Variants in TULP2 observed in about 807,000 individuals in gnomAD.
The protein encoded by TULP2 is tubby-related protein 2.
In TULP2, 64 loss-of-function variants were observed where a neutral mutation model predicts 60.3. The ratio of observed to expected loss-of-function variants is 1.06; its 90% CI spans 0.87 to 1.31. The LOEUF is 1.31. Among genes scored for constraint, TULP2 ranks in the 50% most tolerant of loss-of-function variants. The pLI, the probability that TULP2 is intolerant of heterozygous loss-of-function variation, is 0.00. For missense variants in TULP2, 652 were observed against 667.0 expected (o/e 0.98, Z 0.25); for synonymous variants, 267 against 265.4 (o/e 1.01, Z -0.06).
At position 48,883,802 on chromosome 19, in the gene TULP2, G is replaced by A. The variant is rs746669677; in HGVS notation, c.1227C>T (p.Leu409=). The change falls in exon 11 of 13, where the codon CTC becomes CTT. Residue 409 remains leucine, a synonymous_variant. Transcript: ENST00000221399. ...YLGPRKMTVI[L]PGTNSQNQRI... Reference sequence around the variant, plus strand: ...GCTGGTTCTGGCTGTTGGTTCCTGGGAGAATCACAGTCATTTTCCGAGGCC... The same window carrying A: ...GCTGGTTCTGGCTGTTGGTTCCTGGAAGAATCACAGTCATTTTCCGAGGCC... The A allele has an allele frequency of 6.2e-7, 1 of 1,614,074 alleles. No homozygotes were observed. Among genetic ancestry groups the A allele is most frequent in the Non-Finnish European group, 8.5e-7 (1 of 1,180,036 alleles).
intron 7 of TULP2, among the ~76,000 whole-genome samples, chr19:48,888,531 T>C (rs562377293): frequency 6.6e-6 from 1 of 152,296 alleles, no homozygotes; most frequent in East Asian, 1.9e-4. Flanking sequence ...GGCTGTTAGT[T>C]TGATCTAGAT....
At chr19:48,896,583 C>A in intron 3 of TULP2, 27 bp from the exon 4 acceptor site, 1 of 1,568,992 alleles carries the variant, frequency 6.4e-7, no homozygotes. Context: ...GGTGGGTGTC[C>A]GGGACAGGAA....
At chr19:48,895,895 A>G (rs1230598102) in intron 4 of TULP2, among the ~76,000 whole-genome samples, 2 of 152,054 alleles carry the variant, frequency 1.3e-5, no homozygotes, top group African/African-American at 4.8e-5. Context: ...AGAAAAAAAA[A>G]TCACCCTGTT....
chr19:48,885,212 T>C (rs913860868), intron 9 of TULP2, among the ~76,000 whole-genome samples: 1 of 152,092 alleles, frequency 6.6e-6, no homozygotes, highest in African/African-American at 2.4e-5. Flanking sequence ...TCTACCTTTT[T>C]GGATGCAATA....
chr19:48,896,209 C>G (rs992885458), intron 4 of TULP2, among the ~76,000 whole-genome samples: 1 of 152,186 alleles, frequency 6.6e-6, no homozygotes, highest in African/African-American at 2.4e-5. Context: ...GTAGCCCTGC[C>G]CCGAACCCCT....
At chr19:48,892,135 TTC>T (rs891302044) in intron 6 of TULP2, among the ~76,000 whole-genome samples, 1 of 152,188 alleles carries the variant, frequency 6.6e-6, no homozygotes, top group Admixed American at 6.5e-5. Context: ...ATGGAGGCCT[TTC>T]TCTCTCACTA....
chr19:48,895,505 T>A lies in TULP2; in HGVS notation c.212-2A>T. 1 of 1,600,566 alleles carries A rather than the reference T, an allele frequency of 6.2e-7. No homozygotes were observed. Among genetic ancestry groups the A allele is most frequent in the Non-Finnish European group, 8.5e-7 (1 of 1,170,098 alleles). ...TCCGGAGGAAAGGGTTCCCAAGGCC[T>A]GGGAGAAGGTTCAGCGAGCCCATGA... On this transcript the variant is annotated splice_acceptor_variant, in intron 4 of 12. Coordinates refer to ENST00000221399, the MANE Select transcript of TULP2 (RefSeq NM_003323.3). LOFTEE classifies it high-confidence loss of function.
intron 7 of TULP2, among the ~76,000 whole-genome samples, chr19:48,888,684 C>T (rs570435519): frequency 1.0e-3 from 158 of 152,170 alleles, no homozygotes; most frequent in Non-Finnish European, 1.7e-3. Context: ...TGCAGTGACT[C>T]GATCTCGGTT....
At chr19:48,884,616 C>T (rs1284357501) in intron 9 of TULP2, among the ~76,000 whole-genome samples, 1 of 151,390 alleles carries the variant, frequency 6.6e-6, no homozygotes. Context: ...ACTAAAAATA[C>T]AAAATTAGCC....
At chr19:48,889,242 C>T (rs1283248480) in intron 7 of TULP2, among the ~76,000 whole-genome samples, 1 of 152,154 alleles carries the variant, frequency 6.6e-6, no homozygotes, top group Non-Finnish European at 1.5e-5. Flanking sequence ...TCCCAAAGTG[C>T]TGGGATTACA....
intron 8 of TULP2, 78 bp from the exon 9 acceptor site, chr19:48,885,638 C>A (rs1049445641): frequency 9.0e-6 from 12 of 1,333,520 alleles, no homozygotes; most frequent in Admixed American, 3.6e-5. Flanking sequence ...AATCCCTGCA[C>A]TTTGGGAGGC....
chr19:48,895,594 C>A lies in TULP2; in HGVS notation c.212-91G>T, dbSNP rs563586515. On this transcript the variant is annotated intron_variant, in intron 4 of 12. Coordinates refer to ENST00000221399, the MANE Select transcript of TULP2 (RefSeq NM_003323.3). ...CCCGTCACTGGGCTCCCAAATATCA[C>A]CCCCGCCAGGCGCCGTGGCTCACGC... 7 of 1,496,996 alleles carry A rather than the reference C, an allele frequency of 4.7e-6. No individual in the cohort carries two copies. In the East Asian group the frequency reaches 9.2e-5, roughly 20 times the overall value. 92.7% of individuals were successfully genotyped at this position (1,496,996 alleles called of 1,614,324 possible).
Position 48,895,077 on chromosome 19 carries a change from C to G in TULP2, c.435G>C (p.Glu145Asp). 1 of 1,614,136 alleles carries G rather than the reference C, an allele frequency of 6.2e-7. No individual in the cohort carries two copies. The highest frequency in any genetic ancestry group is 1.1e-5 in the South Asian group (1 of 91,082). The change falls in exon 6 of 13, where the codon GAG becomes GAC. Residue 145 changes from glutamate to aspartate, a missense_variant. Physicochemically the swap from Glu to Asp is conservative, Grantham distance 45. Coordinates refer to ENST00000221399, the MANE Select transcript of TULP2 (RefSeq NM_003323.3). The stretch of plus-strand genomic sequence containing the variant: ...AAGGTGGGGGAGAGACGGAACCATT[C>G]TCCACGGAGACTTCCTCCAATTCTG... ...SDAELEEVSV[E>D]NGSVSPPPFK...
chr19:48,895,492 G>T lies in TULP2; in HGVS notation c.223C>A (p.Pro75Thr), dbSNP rs1407594140. ...RLLGDRGLGN[P>T]FLRKKVSEAH... is the part of the protein sequence containing the mutation. ...TCTGACACTTTCTTCCGGAGGAAAG[G>T]GTTCCCAAGGCCTGGGAGAAGGTTC... The change falls in exon 5 of 13, where the codon CCT becomes ACT. Residue 75 changes from proline to threonine, a missense_variant. By Grantham distance (38) the Pro-to-Thr change is conservative. Transcript: ENST00000221399. The T allele has an allele frequency of 6.2e-6, 10 of 1,607,366 alleles. No homozygotes were observed. Among genetic ancestry groups the T allele is most frequent in the Non-Finnish European group, 8.5e-6 (10 of 1,175,210 alleles).
intron 4 of TULP2, 48 bp from the exon 5 acceptor site, chr19:48,895,551 T>C: frequency 6.4e-7 from 1 of 1,567,778 alleles, no homozygotes; most frequent in East Asian, 2.3e-5. Flanking sequence ...CAAATTCCGG[T>C]CCTCAACCAA....
At chr19:48,888,726 A>G (rs1814627305) in intron 7 of TULP2, among the ~76,000 whole-genome samples, 1 of 151,882 alleles carries the variant, frequency 6.6e-6, no homozygotes, top group Non-Finnish European at 1.5e-5. Context: ...GGTTCAAGCA[A>G]TTCTCCTGCC....
intron 6 of TULP2, among the ~76,000 whole-genome samples, chr19:48,891,572 A>T (rs1030177857): frequency 1.3e-5 from 2 of 152,160 alleles, no homozygotes; most frequent in African/African-American, 4.8e-5. Context: ...CAGAGGTTGC[A>T]GTGAGCCGAG....
Position 48,897,398 on chromosome 19 carries a change from T to C in TULP2, c.33-2A>G. ...GCAGCGAGCTCATGCCCCAGGATGC[T>C]GAGAGAGACACAGGCCCATGGTGAC... On this transcript the variant is annotated splice_acceptor_variant, in intron 2 of 12. Transcript: ENST00000221399. LOFTEE classifies it high-confidence loss of function. This position sits in a 1 kb window ranked among gnomAD's most constrained non-coding sequence, Gnocchi z 4.0. 1.9e-6 allele frequency: 3 copies of C among 1,613,646 alleles called. No homozygotes were observed. Among genetic ancestry groups the C allele is most frequent in the Non-Finnish European group, 2.5e-6 (3 of 1,179,826 alleles).
chr19:48,882,957 C>G (rs560196438), intron 11 of TULP2, among the ~76,000 whole-genome samples: 2 of 152,186 alleles, frequency 1.3e-5, no homozygotes, highest in Non-Finnish European at 2.9e-5. Flanking sequence ...CGGTGGCTCA[C>G]GCCTGTAATC....
Sources: gnomAD v4.1 joint callset for allele counts (sites outside exome capture counted in the v4.1 genomes callset) on GRCh38, gnomAD v4.1.1 for gene constraint, Gnocchi (gnomAD v3.1) non-coding constraint, MANE v1.5 for transcripts, NCBI Gene and HGNC (gene_info 2026-07-23, HGNC 2026-07-21) for gene names.